The following LRRC36 variants were observed in gnomAD, a reference collection of about 807,000 sequenced individuals.
LRRC36 encodes leucine rich repeat containing 36, also known as leucine-rich repeat-containing protein 36.
In LRRC36, 62 loss-of-function variants were observed where a neutral mutation model predicts 81.1. That is an observed-to-expected ratio of 0.76 (90% CI 0.62 to 0.94). The LOEUF (loss-of-function observed/expected upper bound fraction) is 0.94, where lower values mean the gene tolerates loss of function less well. Among genes scored for constraint, LRRC36 ranks in the 40% least tolerant of loss-of-function variants. LRRC36 has a pLI of 0.00. For missense variants in LRRC36, 761 were observed against 881.7 expected (o/e 0.86, Z 1.73); for synonymous variants, 334 against 348.6 (o/e 0.96, Z 0.47).
At chr16:67,350,157 CT>C (rs35595978) in intron 4 of LRRC36, 44 bp from the exon 5 acceptor site, 206,724 of 1,045,314 alleles carry the variant, frequency 0.2, 77 homozygotes, top group East Asian at 0.23. Flanking sequence ...TCTCAGAAGC[CT>C]TTTTTTTTTT....
intron 1 of LRRC36, among the ~76,000 whole-genome samples, chr16:67,328,484 G>A (rs2037315365): frequency 6.6e-6 from 1 of 152,132 alleles, no homozygotes; most frequent in South Asian, 2.1e-4. Flanking sequence ...CTGCACTCCA[G>A]CCTGGGTGAC....
chr16:67,333,885 A>G (rs970302616), intron 1 of LRRC36, among the ~76,000 whole-genome samples: 2 of 152,058 alleles, frequency 1.3e-5, no homozygotes, highest in Admixed American at 6.6e-5. Flanking sequence ...AATATCTTGC[A>G]TTATTGTGAT....
chr16:67,326,853 G>T lies in LRRC36; in HGVS notation c.-10G>T. ...TCTCGCGGGCGGTGGCAGGTGAGCG[G>T]CGGGCGGGGATGGCGGAGCAATGGG... is the stretch of plus-strand genomic sequence containing the variant. On this transcript the variant is annotated 5_prime_UTR_variant, in exon 1 of 14. Transcript: ENST00000329956. The T allele has an allele frequency of 7.0e-7, 1 of 1,429,630 alleles. No homozygotes were observed. 88.6% of individuals were successfully genotyped at this position (1,429,630 alleles called of 1,614,324 possible).
At chr16:67,382,020 G>T in intron 12 of LRRC36, 113 bp from the exon 13 acceptor site, 1 of 675,486 alleles carries the variant, frequency 1.5e-6, no homozygotes, top group Middle Eastern at 2.5e-4. Context: ...GGAGTGTGAA[G>T]TTGGGTGCCA....
At chr16:67,332,254 C>G (rs1434494696) in intron 1 of LRRC36, among the ~76,000 whole-genome samples, 1 of 151,750 alleles carries the variant, frequency 6.6e-6, no homozygotes, top group Non-Finnish European at 1.5e-5. Flanking sequence ...TGTCTTCACT[C>G]TTTATAAACA....
intron 1 of LRRC36, among the ~76,000 whole-genome samples, chr16:67,327,929 G>C (rs995439765): frequency 2.0e-5 from 3 of 152,082 alleles, no homozygotes; most frequent in Non-Finnish European, 4.4e-5. Flanking sequence ...TTTTGGGAGG[G>C]TGGGGAGGAG....
intron 9 of LRRC36, among the ~76,000 whole-genome samples, chr16:67,373,250 C>T (rs1049164785): frequency 3.3e-5 from 5 of 152,052 alleles, no homozygotes; most frequent in African/African-American, 4.8e-5. Flanking sequence ...CTTTTCTAGA[C>T]GATCTTAAAA....
intron 1 of LRRC36, among the ~76,000 whole-genome samples, chr16:67,337,612 G>A (rs889594261): frequency 2.7e-5 from 4 of 150,936 alleles, no homozygotes; most frequent in Non-Finnish European, 3.0e-5. Context: ...TGCCCACCTC[G>A]GCCTTCCAAA....
At chr16:67,351,803 T>A (rs1368718659) in intron 5 of LRRC36, among the ~76,000 whole-genome samples, 2 of 152,222 alleles carry the variant, frequency 1.3e-5, no homozygotes, top group African/African-American at 4.8e-5. Context: ...ATGGATTACT[T>A]TATTTCATTT....
At chr16:67,374,238 T>C (rs2039786872) in intron 9 of LRRC36, among the ~76,000 whole-genome samples, 1 of 151,074 alleles carries the variant, frequency 6.6e-6, no homozygotes, top group African/African-American at 2.4e-5. Flanking sequence ...TATATTAATA[T>C]ATTAAATATA....
intron 12 of LRRC36, among the ~76,000 whole-genome samples, chr16:67,381,230 GAAAAAAAAA>G (rs1179228134): frequency 1.9e-4 from 8 of 41,112 alleles, no homozygotes; most frequent in Admixed American, 6.7e-4. Context: ...CTCTGCCTCA[GAAAAAAAAA>G]AAAAAAAAAA....
intron 5 of LRRC36, among the ~76,000 whole-genome samples, chr16:67,351,956 C>T (rs2038662840): frequency 6.6e-6 from 1 of 152,134 alleles, no homozygotes; most frequent in Non-Finnish European, 1.5e-5. Flanking sequence ...CTTTGGTATA[C>T]AGCCTAGTCT....
intron 13 of LRRC36, 125 bp from the exon 14 acceptor site, chr16:67,384,745 G>A (rs2040232184): frequency 1.5e-6 from 1 of 663,316 alleles, no homozygotes; most frequent in Non-Finnish European, 2.7e-6. Context: ...ATCATAAATT[G>A]GACAGTTCCT....
chr16:67,342,434 G>C (rs1306762524), intron 2 of LRRC36, among the ~76,000 whole-genome samples: 1 of 152,112 alleles, frequency 6.6e-6, no homozygotes, highest in Admixed American at 6.6e-5. Context: ...AGTAGGTCTA[G>C]GGTAGGCTCA....
chr16:67,336,090 A>C (rs1350472247), intron 1 of LRRC36, among the ~76,000 whole-genome samples: 1 of 152,206 alleles, frequency 6.6e-6, no homozygotes, highest in African/African-American at 2.4e-5. Flanking sequence ...GGAATCATAT[A>C]GTATGTAACC....
At chr16:67,378,549 A>G (rs374458012) in intron 11 of LRRC36, 40 bp from the exon 12 acceptor site, 21 of 1,603,530 alleles carry the variant, frequency 1.3e-5, no homozygotes, top group African/African-American at 2.7e-5. Flanking sequence ...CTAGAATGTC[A>G]GATTCTTAAT....
intron 1 of LRRC36, among the ~76,000 whole-genome samples, chr16:67,333,278 C>T (rs906275104): frequency 6.6e-5 from 10 of 152,054 alleles, no homozygotes; most frequent in Admixed American, 6.6e-4. Context: ...ACTGCAGGCA[C>T]GTCCCACCAT....
At chr16:67,334,867 G>A (rs1224053520) in intron 1 of LRRC36, among the ~76,000 whole-genome samples, 1 of 152,134 alleles carries the variant, frequency 6.6e-6, no homozygotes, top group African/African-American at 2.4e-5. Flanking sequence ...CATGTCAGCA[G>A]GTTCCGTGAT....
chr16:67,364,912 A>C (rs1171275441), intron 6 of LRRC36, among the ~76,000 whole-genome samples: 2 of 152,146 alleles, frequency 1.3e-5, no homozygotes, highest in African/African-American at 4.8e-5. Context: ...TATGCCTCAG[A>C]TTAATTTTCA....
Sources: gnomAD v4.1 joint callset for allele counts (sites outside exome capture counted in the v4.1 genomes callset) on GRCh38, gnomAD v4.1.1 for gene constraint, MANE v1.5 for transcripts, NCBI Gene and HGNC (gene_info 2026-07-23, HGNC 2026-07-21) for gene names.